Variants in EMID1 observed in about 807,000 individuals in gnomAD.
The protein encoded by EMID1 is EMI domain-containing protein 1.
In EMID1, 40 loss-of-function variants were observed where a neutral mutation model predicts 60.6. That is an observed-to-expected ratio of 0.66 (90% CI 0.51 to 0.86). The LOEUF is 0.86. Ranked by LOEUF, EMID1 falls within the 40% of genes least tolerant of loss-of-function variation. EMID1 has a pLI of 0.00. For missense variants in EMID1, 585 were observed against 597.1 expected (o/e 0.98, Z 0.21); for synonymous variants, 242 against 231.0 (o/e 1.05, Z -0.43).
chr22:29,254,220 G>A lies in EMID1; in HGVS notation c.1137G>A (p.Gln379=). 6.2e-7 allele frequency: 1 copy of A among 1,614,202 alleles called. No homozygotes were observed. The highest frequency in any genetic ancestry group is 8.5e-7 in the Non-Finnish European group (1 of 1,180,018). ...CTCCACAGGGGGAGGGGTTGCACCA[G>A]CTACGCGAGGCTTTGAAGATTTTAG... The part of the protein sequence containing the change: ...EKSHWGEGLH[Q]LREALKILAE... Residue 379 remains glutamine (Q), a synonymous_variant, in exon 14 of 15, where the codon CAG becomes CAA. Transcript: ENST00000334018.
chr22:29,220,739 C>A (rs538760890), intron 3 of EMID1, among the ~76,000 whole-genome samples: 1 of 152,236 alleles, frequency 6.6e-6, no homozygotes, highest in South Asian at 2.1e-4. Context: ...CGTCCCACTG[C>A]AAGGACAGAG....
intron 3 of EMID1, among the ~76,000 whole-genome samples, chr22:29,224,116 G>A (rs987299901): frequency 5.3e-5 from 8 of 152,220 alleles, no homozygotes; most frequent in African/African-American, 1.7e-4. Flanking sequence ...GGCTCAGCAC[G>A]AGTGAAGGCC....
intron 2 of EMID1, 100 bp from the exon 3 acceptor site, chr22:29,215,427 G>A (rs967303066): frequency 3.0e-6 from 4 of 1,345,864 alleles, no homozygotes; most frequent in Non-Finnish European, 4.1e-6. Flanking sequence ...AGGCAGCAGA[G>A]GATCCTGGAA....
intron 12 of EMID1, among the ~76,000 whole-genome samples, chr22:29,242,685 G>T (rs1173746546): frequency 6.6e-6 from 1 of 152,176 alleles, no homozygotes; most frequent in African/African-American, 2.4e-5. Context: ...TTATTGATGG[G>T]TCATCTTGCT....
chr22:29,211,559 A>G (rs1158433337), intron 1 of EMID1, among the ~76,000 whole-genome samples: 2 of 151,242 alleles, frequency 1.3e-5, no homozygotes, highest in Admixed American at 1.3e-4. Context: ...ATGTGTGTCC[A>G]TGCATTGTGT....
chr22:29,254,589 T>C (rs1569009955), intron 14 of EMID1: 2 of 318,734 alleles, frequency 6.3e-6, no homozygotes, highest in Non-Finnish European at 1.2e-5. Context: ...GATTTTAAGT[T>C]TGGAAGAAAT....
Position 29,254,296 on chromosome 22 carries a change from A to T in EMID1, c.1204+9A>T, listed in dbSNP as rs1405068628. ...AATGATTGGGCTCTATGGTGAGTAG[A>T]GACAGACAGACGGACAGACGGCCCA... On this transcript the variant is annotated intron_variant, in intron 14 of 14. Transcript: ENST00000334018. The T allele has an allele frequency of 6.2e-7, 1 of 1,613,050 alleles. No individual in the cohort carries two copies. The highest frequency in any genetic ancestry group is 1.1e-5 in the South Asian group (1 of 91,058).
intron 14 of EMID1, 76 bp from the exon 15 acceptor site, chr22:29,258,741 C>T (rs1424237272): frequency 1.3e-6 from 2 of 1,568,614 alleles, no homozygotes; most frequent in Non-Finnish European, 1.7e-6. Flanking sequence ...TCTGCCACCC[C>T]CTAGAGGGCC....
chr22:29,241,440 G>A (rs908247546), intron 12 of EMID1, among the ~76,000 whole-genome samples: 1 of 152,182 alleles, frequency 6.6e-6, no homozygotes, highest in Non-Finnish European at 1.5e-5. Flanking sequence ...CTAGGCTGGA[G>A]TGCAATGGTG....
chr22:29,234,826 A>T (rs570798190), intron 12 of EMID1, among the ~76,000 whole-genome samples: 56 of 151,136 alleles, frequency 3.7e-4, no homozygotes, highest in African/African-American at 1.3e-3. Flanking sequence ...CAGCTTTCTT[A>T]TGCTTGCTAT....
In EMID1 at chr22:29,258,968, G is replaced by C. The variant is rs1409004594; in HGVS notation, c.*24G>C. On this transcript the variant is annotated 3_prime_UTR_variant, in exon 15 of 15. Transcript: ENST00000334018. ...GAGGGTGGTGGCGGCCCCTGAGGCA[G>C]ACCAGGCCAGGCTTCCCCTCCTACC... 6.2e-7 allele frequency: 1 copy of C among 1,605,528 alleles called. No homozygotes were observed. The highest frequency in any genetic ancestry group is 8.5e-7 in the Non-Finnish European group (1 of 1,176,332).
intron 14 of EMID1, among the ~76,000 whole-genome samples, chr22:29,257,756 A>C (rs1003037241): frequency 6.6e-6 from 1 of 152,238 alleles, no homozygotes; most frequent in Non-Finnish European, 1.5e-5. Context: ...AAATGGGACT[A>C]TTATGCCCAC....
At chr22:29,232,180 C>T (rs1407238855) in intron 7 of EMID1, 76 bp from the exon 8 acceptor site, 4 of 1,589,396 alleles carry the variant, frequency 2.5e-6, no homozygotes, top group Non-Finnish European at 3.4e-6. Context: ...TCCAGGCTGC[C>T]TTGTCCTGTC....
At chr22:29,229,534 T>C (rs1411878623) in intron 5 of EMID1, among the ~76,000 whole-genome samples, 1 of 150,684 alleles carries the variant, frequency 6.6e-6, no homozygotes, top group East Asian at 2.0e-4. Flanking sequence ...TCTCAGCTAC[T>C]AGGGAGGCCG....
At chr22:29,209,946 C>T (rs2039817228) in intron 1 of EMID1, among the ~76,000 whole-genome samples, 1 of 152,050 alleles carries the variant, frequency 6.6e-6, no homozygotes, top group South Asian at 2.1e-4. Flanking sequence ...TTAGAAAGAG[C>T]CTCCTGCTAC....
chr22:29,240,703 C>T (rs746886100), intron 12 of EMID1, among the ~76,000 whole-genome samples: 2 of 152,224 alleles, frequency 1.3e-5, no homozygotes, highest in Non-Finnish European at 1.5e-5. Context: ...CTTGACGCAT[C>T]GCATTCTCTC....
intron 3 of EMID1, among the ~76,000 whole-genome samples, chr22:29,221,565 G>A (rs1281408566): frequency 1.3e-5 from 2 of 152,016 alleles, no homozygotes; most frequent in Non-Finnish European, 2.9e-5. Flanking sequence ...TAGTAGAGAT[G>A]GGCTTTCACC....
intron 3 of EMID1, among the ~76,000 whole-genome samples, chr22:29,220,828 C>T (rs1353261412): frequency 6.6e-6 from 1 of 152,146 alleles, no homozygotes; most frequent in Non-Finnish European, 1.5e-5. Context: ...CACAAAGCTT[C>T]TTAGCTCAGG....
intron 13 of EMID1, among the ~76,000 whole-genome samples, chr22:29,245,757 T>C (rs1480067899): frequency 6.6e-6 from 1 of 152,124 alleles, no homozygotes; most frequent in East Asian, 1.9e-4. Context: ...CTGGAGTGAC[T>C]GTGCTGGGCC....
Sources: gnomAD v4.1 joint callset for allele counts (sites outside exome capture counted in the v4.1 genomes callset) on GRCh38, gnomAD v4.1.1 for gene constraint, MANE v1.5 for transcripts, NCBI Gene and HGNC (gene_info 2026-07-23, HGNC 2026-07-21) for gene names.